The following DRC8 variants were observed in gnomAD, a reference collection of about 807,000 sequenced individuals.
The protein encoded by DRC8 is dynein regulatory complex subunit 8, also known as dynein regulatory complex protein 8.
the DRC8 span, among the ~76,000 whole-genome samples, chr1:245,043,322 AC>A: frequency 6.6e-6 from 1 of 152,124 alleles, no homozygotes; most frequent in African/African-American, 2.4e-5. Flanking sequence ...AATCCCAGCT[AC>A]TTGGGAGGCT....
At chr1:245,056,384 C>CCCCACT in the DRC8 span, among the ~76,000 whole-genome samples, 3 of 152,300 alleles carry the variant, frequency 2.0e-5, no homozygotes, top group African/African-American at 7.2e-5. Flanking sequence ...CAACCTCCGC[C>CCCCACT]TCCTGCGTTC....
At chr1:245,084,271 T>G in the DRC8 span, among the ~76,000 whole-genome samples, 284 of 152,026 alleles carry the variant, frequency 1.9e-3, 1 homozygote, top group Non-Finnish European at 2.9e-3. Context: ...TTAGTAGAGA[T>G]GGGTTTCACC....
the DRC8 span, among the ~76,000 whole-genome samples, chr1:244,984,023 T>C: frequency 3.9e-5 from 6 of 152,030 alleles, no homozygotes; most frequent in Non-Finnish European, 8.8e-5. Context: ...GGCCCAATCT[T>C]AGCTCACTGC....
At chr1:244,995,948 G>A in the DRC8 span, among the ~76,000 whole-genome samples, 9 of 152,204 alleles carry the variant, frequency 5.9e-5, no homozygotes, top group Admixed American at 3.3e-4. Flanking sequence ...CCGTTTTCCC[G>A]TACCATACCT....
the DRC8 span, among the ~76,000 whole-genome samples, chr1:245,099,477 G>C: frequency 1.3e-5 from 2 of 152,148 alleles, no homozygotes; most frequent in Non-Finnish European, 2.9e-5. Context: ...ATGCTGGGAC[G>C]CAGCCCCGCC....
the DRC8 span, among the ~76,000 whole-genome samples, chr1:245,094,099 T>G: frequency 1.3e-5 from 2 of 152,182 alleles, no homozygotes; most frequent in South Asian, 4.2e-4. Flanking sequence ...CAAGGTATGA[T>G]CCGCACTTAG....
At chr1:245,027,437 T>TG in the DRC8 span, among the ~76,000 whole-genome samples, 1 of 152,140 alleles carries the variant, frequency 6.6e-6, no homozygotes, top group East Asian at 1.9e-4. Flanking sequence ...TAATTTTACT[T>TG]GACTGGGACA....
At chr1:245,032,134 C>T in the DRC8 span, among the ~76,000 whole-genome samples, 4 of 151,944 alleles carry the variant, frequency 2.6e-5, no homozygotes, top group Non-Finnish European at 5.9e-5. Flanking sequence ...TATAGTAAGG[C>T]GAGGTGTCTG....
chr1:245,098,273 C>T, the DRC8 span, among the ~76,000 whole-genome samples: 3 of 152,094 alleles, frequency 2.0e-5, no homozygotes, highest in Non-Finnish European at 4.4e-5. Flanking sequence ...GCCAACCAGA[C>T]ATCCAGGCTG....
chr1:245,030,855 A>G, the DRC8 span: 5 of 152,288 alleles, frequency 3.3e-5, no homozygotes, highest in Non-Finnish European at 4.4e-5. Flanking sequence ...GGCTTTGGTC[A>G]TTTGTCAATA....
the DRC8 span, among the ~76,000 whole-genome samples, chr1:244,993,243 G>A: frequency 1.6e-3 from 237 of 152,270 alleles, 1 homozygote; most frequent in African/African-American, 5.5e-3. Context: ...GAGGGTCATC[G>A]GGAACCATCT....
the DRC8 span, among the ~76,000 whole-genome samples, chr1:245,048,614 A>C: frequency 1.3e-5 from 2 of 151,984 alleles, no homozygotes; most frequent in Non-Finnish European, 2.9e-5. Flanking sequence ...TAGATTCGCC[A>C]ATCCCTCATG....
chr1:244,984,507 A>G, the DRC8 span, among the ~76,000 whole-genome samples: 7 of 152,170 alleles, frequency 4.6e-5, no homozygotes, highest in East Asian at 1.3e-3. Flanking sequence ...CTTCTTATTA[A>G]GAGTAAATGT....
At chr1:245,009,363 G>A in the DRC8 span, among the ~76,000 whole-genome samples, 1 of 151,842 alleles carries the variant, frequency 6.6e-6, no homozygotes, top group Non-Finnish European at 1.5e-5. Flanking sequence ...GCCTTTGTCA[G>A]TGATACTCCT....
chr1:244,970,445 T>G, the DRC8 span: 77 of 1,529,632 alleles, frequency 5.0e-5, no homozygotes, highest in Admixed American at 1.2e-4. Flanking sequence ...ACAGGGAAGG[T>G]AAGGTAGGGG....
At chr1:244,986,886 GT>G in the DRC8 span, among the ~76,000 whole-genome samples, 2 of 152,116 alleles carry the variant, frequency 1.3e-5, no homozygotes, top group Non-Finnish European at 2.9e-5. Flanking sequence ...GAGTCTAAAC[GT>G]TTTTGTGACT....
chr1:244,985,877 AT>A, the DRC8 span, among the ~76,000 whole-genome samples: 2 of 148,468 alleles, frequency 1.3e-5, no homozygotes, highest in African/African-American at 4.9e-5. Context: ...AAAAAAAAAA[AT>A]ACATAATTGT....
the DRC8 span, among the ~76,000 whole-genome samples, chr1:245,106,439 G>A: frequency 1.3e-5 from 2 of 152,016 alleles, no homozygotes; most frequent in East Asian, 3.9e-4. Context: ...TAATAATTCT[G>A]AATATAACTC....
At chr1:245,034,986 T>C in the DRC8 span, among the ~76,000 whole-genome samples, 20 of 151,896 alleles carry the variant, frequency 1.3e-4, no homozygotes, top group Non-Finnish European at 2.8e-4. Flanking sequence ...ATTTCAAATC[T>C]AATGAGAGTC....
Sources: gnomAD v4.1 joint callset for allele counts (sites outside exome capture counted in the v4.1 genomes callset) on GRCh38, gnomAD v4.1.1 for gene constraint, MANE v1.5 for transcripts, NCBI Gene and HGNC (gene_info 2026-07-23, HGNC 2026-07-21) for gene names.